Variants in PCDHGB2 observed in about 807,000 individuals in gnomAD.
The protein encoded by PCDHGB2 is protocadherin gamma subfamily B, 2.
A neutral mutation model predicts 59.3 loss-of-function variants in PCDHGB2; 55 were observed. The observed-to-expected ratio is 0.93, with a 90% confidence interval of 0.75 to 1.16. PCDHGB2 has a LOEUF of 1.16. Ranked by LOEUF, PCDHGB2 falls within the 50% of genes most tolerant of loss-of-function variation. The pLI is 0.00. For synonymous variants in PCDHGB2, 516 were observed against 512.0 expected (o/e 1.01, Z -0.11); for missense variants, 1,228 against 1,198.5 (o/e 1.02, Z -0.36).
At chr5:141,433,487 C>T (rs1052153936) in intron 1 of PCDHGB2, among the ~76,000 whole-genome samples, 3 of 152,094 alleles carry the variant, frequency 2.0e-5, no homozygotes, top group African/African-American at 7.2e-5. Context: ...TCCTGCTTCT[C>T]CCTCCCAAAC....
At chr5:141,433,406 T>C (rs2097604777) in intron 1 of PCDHGB2, among the ~76,000 whole-genome samples, 1 of 149,982 alleles carries the variant, frequency 6.7e-6, no homozygotes, top group Non-Finnish European at 1.5e-5. Flanking sequence ...TATCTATCTA[T>C]TACTTTCTTG....
intron 3 of PCDHGB2, 31 bp downstream of exon 3, chr5:141,505,512 T>C (rs754223095): frequency 6.2e-7 from 1 of 1,613,676 alleles, no homozygotes; most frequent in South Asian, 1.1e-5. Context: ...TATGGAAGAG[T>C]GGGAGACCTG....
chr5:141,394,184 C>T (rs1277537550), intron 1 of PCDHGB2: 1 of 1,613,944 alleles, frequency 6.2e-7, no homozygotes, highest in Non-Finnish European at 8.5e-7. Flanking sequence ...ATGCCTCCTA[C>T]TCAGCGTATA....
At position 141,431,052 on chromosome 5, in the gene PCDHGB2, G is replaced by A. The variant is rs148326556; in HGVS notation, c.2422-63755G>A. On this transcript the variant is annotated intron_variant, in intron 1 of 3. Transcript: ENST00000522605. The surrounding 1 kb of genome is among the most constrained non-coding windows in gnomAD (Gnocchi z 4.8). Reference sequence around the variant, plus strand: ...ATAGACCGGGAGGAGCTCTGTATGGGGGCCATCAAGTGTCAATTAAATCTA... The same window carrying A: ...ATAGACCGGGAGGAGCTCTGTATGGAGGCCATCAAGTGTCAATTAAATCTA... 2 of 1,614,228 alleles carry A rather than the reference G, an allele frequency of 1.2e-6. No individual in the cohort carries two copies. The highest frequency in any genetic ancestry group is 1.7e-6 in the Non-Finnish European group (2 of 1,180,044).
chr5:141,437,518 T>C (rs1482415074), intron 1 of PCDHGB2, among the ~76,000 whole-genome samples: 1 of 152,210 alleles, frequency 6.6e-6, no homozygotes, highest in African/African-American at 2.4e-5. Flanking sequence ...ATAAGGCTGA[T>C]GACAAATGAG....
At chr5:141,422,344 C>A in intron 1 of PCDHGB2, 1 of 1,550,890 alleles carries the variant, frequency 6.4e-7, no homozygotes, top group Non-Finnish European at 8.7e-7. Flanking sequence ...TCTAAATGTG[C>A]AAGATCAAGA....
At chr5:141,471,217 T>G (rs2099252724) in intron 1 of PCDHGB2, 1 of 151,568 alleles carries the variant, frequency 6.6e-6, no homozygotes, top group South Asian at 2.1e-4. Context: ...GCCTGGCAAT[T>G]TTTTTGTATT....
At chr5:141,384,753 G>T (rs114533608) in intron 1 of PCDHGB2, 2 of 1,614,010 alleles carry the variant, frequency 1.2e-6, no homozygotes, top group African/African-American at 1.3e-5. Flanking sequence ...GACTCTTTGC[G>T]GTTGGGCTGT....
At position 141,431,176 on chromosome 5, in the gene PCDHGB2, A is replaced by G; in HGVS notation, c.2422-63631A>G. On this transcript the variant is annotated intron_variant, in intron 1 of 3. Coordinates refer to ENST00000522605, the MANE Select transcript of PCDHGB2 (RefSeq NM_018923.3). The surrounding 1 kb of genome is among the most constrained non-coding windows in gnomAD (Gnocchi z 4.8). Reference sequence around the variant, plus strand: ...CTTACTTTCGTGAAAGTGAATTAGAAATAAAAATTAGTGAAAATGCAGCCA... The same window carrying G: ...CTTACTTTCGTGAAAGTGAATTAGAGATAAAAATTAGTGAAAATGCAGCCA... The G allele has an allele frequency of 1.2e-6, 2 of 1,614,212 alleles. No individual in the cohort carries two copies. Among genetic ancestry groups the G allele is most frequent in the Non-Finnish European group, 1.7e-6 (2 of 1,180,032 alleles).
Position 141,485,086 on chromosome 5 carries a change from A to T in PCDHGB2, c.2422-9721A>T. 1.0e-6 allele frequency: 1 copy of T among 999,576 alleles called. No individual in the cohort carries two copies. Among genetic ancestry groups the T allele is most frequent in the Non-Finnish European group, 1.5e-6 (1 of 651,740 alleles). 61.9% of individuals were successfully genotyped at this position (999,576 alleles called of 1,614,324 possible). A position where few individuals can be genotyped will look rare whatever the true frequency, so the allele number is the denominator to read the frequency against. On this transcript the variant is annotated intron_variant, in intron 1 of 3. Transcript: ENST00000522605. The surrounding 1 kb of genome is among the most constrained non-coding windows in gnomAD (Gnocchi z 5.7). The stretch of plus-strand genomic sequence containing the variant: ...CCAGAGCTGGCGCGGGGAAAGGGAG[A>T]TAGGTGTCTCCAGCTGCTGTGGCTG...
intron 1 of PCDHGB2, chr5:141,365,075 G>T (rs754573655): frequency 1.2e-6 from 2 of 1,613,724 alleles, no homozygotes; most frequent in South Asian, 1.1e-5. Flanking sequence ...CGAGTACAGC[G>T]TGAGTGTTCC....
Position 141,431,938 on chromosome 5 carries a change from A to G in PCDHGB2, c.2422-62869A>G, listed in dbSNP as rs150199588. 49 of 1,614,050 alleles carry G rather than the reference A, an allele frequency of 3.0e-5. No individual in the cohort carries two copies. Among genetic ancestry groups the G allele is most frequent in the Non-Finnish European group, 3.9e-5 (46 of 1,180,026 alleles). Reference sequence around the variant, plus strand: ...TCATCCAAGGAAATCTGCCCTTTAAATTAGAAAAATCTTACGGAAATTACT... The same window carrying G: ...TCATCCAAGGAAATCTGCCCTTTAAGTTAGAAAAATCTTACGGAAATTACT... On this transcript the variant is annotated intron_variant, in intron 1 of 3. Coordinates refer to ENST00000522605, the MANE Select transcript of PCDHGB2 (RefSeq NM_018923.3). This position sits in a 1 kb window ranked among gnomAD's most constrained non-coding sequence, Gnocchi z 4.8.
intron 1 of PCDHGB2, chr5:141,409,528 C>T (rs1488294674): frequency 3.1e-6 from 5 of 1,613,882 alleles, no homozygotes; most frequent in Non-Finnish European, 4.2e-6. Context: ...CCTTGTATGT[C>T]GCTGACATCA....
At chr5:141,438,591 C>CATATATATATATAT (rs946798767) in intron 1 of PCDHGB2, among the ~76,000 whole-genome samples, 3 of 75,556 alleles carry the variant, frequency 4.0e-5, no homozygotes, top group Non-Finnish European at 8.0e-5. Context: ...TACATACATA[C>CATATATATATATAT]ATATATATAT....
rs1301352900 is a variant in PCDHGB2, at chr5:141,491,765, A to T, written c.2422-3042A>T. ...GGCACTGGAGAAGCCGCCCGTCCTC[A>T]TAAGGGATTGAACTTGCATCCACTC... On this transcript the variant is annotated intron_variant, in intron 1 of 3. Transcript: ENST00000522605. The surrounding 1 kb of genome is among the most constrained non-coding windows in gnomAD (Gnocchi z 6.9). 1.3e-6 allele frequency: 2 copies of T among 1,569,228 alleles called. No individual in the cohort carries two copies. Among genetic ancestry groups the T allele is most frequent in the Non-Finnish European group, 1.7e-6 (2 of 1,158,736 alleles).
At chr5:141,373,571 C>T (rs1157896176) in intron 1 of PCDHGB2, among the ~76,000 whole-genome samples, 1 of 152,096 alleles carries the variant, frequency 6.6e-6, no homozygotes, top group Non-Finnish European at 1.5e-5. Context: ...ATGGGACTAG[C>T]ATAAATGGTG....
intron 1 of PCDHGB2, chr5:141,377,208 T>A (rs1773778688): frequency 6.6e-6 from 1 of 152,244 alleles, no homozygotes; most frequent in Non-Finnish European, 1.5e-5. Context: ...ATTGAGTACA[T>A]CTCGTTTCTT....
In PCDHGB2 at chr5:141,472,879, G is replaced by A. The variant is rs541980402; in HGVS notation, c.2422-21928G>A. Among the ~76,000 whole-genome samples the A allele has an allele frequency of 3.3e-5, 5 of 151,694 alleles. No homozygotes were observed. The South Asian group carries it at 6.2e-4, about 19-fold the overall frequency. ...CACATGCCTGTATTCCCAGCTACTC[G>A]GGAGGCTGAGGCAGGAGAATTGCTT... On this transcript the variant is annotated intron_variant, in intron 1 of 3. Coordinates refer to ENST00000522605, the MANE Select transcript of PCDHGB2 (RefSeq NM_018923.3).
At chr5:141,402,953 A>G in intron 1 of PCDHGB2, 3 of 1,597,298 alleles carry the variant, frequency 1.9e-6, no homozygotes, top group Middle Eastern at 1.7e-4. Context: ...CGAGGCAGCA[A>G]TGGCAGCTCC....
Sources: gnomAD v4.1 joint callset for allele counts (sites outside exome capture counted in the v4.1 genomes callset) on GRCh38, gnomAD v4.1.1 for gene constraint, Gnocchi (gnomAD v3.1) non-coding constraint, MANE v1.5 for transcripts, NCBI Gene and HGNC (gene_info 2026-07-23, HGNC 2026-07-21) for gene names.